MOB3B: variants seen among roughly 807,000 people sequenced by gnomAD.
MOB3B encodes MOB kinase activator-like 2B.
A neutral mutation model predicts 18.7 loss-of-function variants in MOB3B; 7 were observed. The ratio of observed to expected loss-of-function variants is 0.37; its 90% CI spans 0.21 to 0.70. The LOEUF (loss-of-function observed/expected upper bound fraction) is 0.70. Ranked by LOEUF, MOB3B falls within the 30% of genes least tolerant of loss-of-function variation. MOB3B has a pLI of 0.52. For synonymous variants in MOB3B, 111 were observed against 99.9 expected (o/e 1.11, Z -0.66); for missense variants, 253 against 281.3 (o/e 0.90, Z 0.72).
chr9:27,451,862 A>G (rs1341409855), intron 2 of MOB3B, among the ~76,000 whole-genome samples: 1 of 152,242 alleles, frequency 6.6e-6, no homozygotes, highest in South Asian at 2.1e-4. Flanking sequence ...AGAAGGAAAA[A>G]GAGGAGGAAA....
intron 2 of MOB3B, among the ~76,000 whole-genome samples, chr9:27,450,595 C>T (rs1274306485): frequency 1.3e-5 from 2 of 152,082 alleles, no homozygotes; most frequent in South Asian, 4.1e-4. Flanking sequence ...AAATTTTCTC[C>T]ATCCTAAACA....
rs113363499 is a variant in MOB3B at position 27,524,592 on chromosome 9, G to C, written c.-199+4963C>G. ...ACCTATGAAGAGGGACATCAAGAAG[G>C]CCTTCTATGAAATGTCCCTACAGGC... On this transcript the variant is annotated intron_variant, in intron 1 of 3. Coordinates refer to ENST00000262244, the MANE Select transcript of MOB3B (RefSeq NM_024761.5). The C allele has an allele frequency of 1.9e-6, 3 of 1,614,084 alleles. No individual in the cohort carries two copies. Among genetic ancestry groups the C allele is most frequent in the Non-Finnish European group, 2.5e-6 (3 of 1,179,988 alleles).
intron 1 of MOB3B, among the ~76,000 whole-genome samples, chr9:27,459,876 CAAAAAAAA>C (rs35792761): frequency 2.3e-5 from 2 of 86,742 alleles, no homozygotes; most frequent in Non-Finnish European, 2.3e-5. Context: ...TTTCAGTCTC[CAAAAAAAA>C]AAAAAAAAAA....
At chr9:27,487,348 A>T (rs1307532882) in intron 1 of MOB3B, among the ~76,000 whole-genome samples, 2 of 152,002 alleles carry the variant, frequency 1.3e-5, no homozygotes, top group East Asian at 1.9e-4. Context: ...CTGCCCAGAG[A>T]TCGGTTTACA....
At chr9:27,498,795 G>A (rs1360297282) in intron 1 of MOB3B, among the ~76,000 whole-genome samples, 1 of 152,130 alleles carries the variant, frequency 6.6e-6, no homozygotes, top group African/African-American at 2.4e-5. Context: ...TGACATTGCT[G>A]GATCTTATGA....
chr9:27,458,000 G>A (rs1819207225), intron 1 of MOB3B, among the ~76,000 whole-genome samples: 1 of 152,122 alleles, frequency 6.6e-6, no homozygotes, highest in Non-Finnish European at 1.5e-5. Flanking sequence ...GCTGAAGGTT[G>A]GAAATACAGA....
chr9:27,440,565 T>C (rs1259332171), intron 2 of MOB3B, among the ~76,000 whole-genome samples: 1 of 152,200 alleles, frequency 6.6e-6, no homozygotes, highest in African/African-American at 2.4e-5. Flanking sequence ...GGTGAATAAC[T>C]GGTGGTGGTC....
Position 27,449,942 on chromosome 9 carries a change from C to T in MOB3B, c.418+5191G>A, listed in dbSNP as rs540107826. ...GCAGTGAGCCGAGATCATGCCATTGCACTCCAGCCTGGGCAACAGAGCGAG... is the reference window on the plus strand; with the variant it reads ...GCAGTGAGCCGAGATCATGCCATTGTACTCCAGCCTGGGCAACAGAGCGAG... On this transcript the variant is annotated intron_variant, in intron 2 of 3. Transcript: ENST00000262244. Among the ~76,000 whole-genome samples the T allele has an allele frequency of 8.7e-5, 13 of 150,204 alleles. No homozygotes were observed. The East Asian group carries it at 1.4e-3, about 16-fold the overall frequency.
At chr9:27,502,427 G>C (rs533202833) in intron 1 of MOB3B, among the ~76,000 whole-genome samples, 1 of 152,182 alleles carries the variant, frequency 6.6e-6, no homozygotes, top group Non-Finnish European at 1.5e-5. Context: ...TTGTCATCCT[G>C]TACTTAGCAT....
At chr9:27,524,478 C>T in intron 1 of MOB3B, 1 of 1,614,094 alleles carries the variant, frequency 6.2e-7, no homozygotes, top group Non-Finnish European at 8.5e-7. Flanking sequence ...TCTGAGACAT[C>T]TGAGTAGTAT....
intron 2 of MOB3B, among the ~76,000 whole-genome samples, chr9:27,436,064 A>G (rs933700849): frequency 6.6e-6 from 1 of 151,950 alleles, no homozygotes; most frequent in African/African-American, 2.4e-5. Context: ...CTGTTGTTCT[A>G]CCCCGCTACC....
At chr9:27,485,732 C>T (rs922354749) in intron 1 of MOB3B, among the ~76,000 whole-genome samples, 1 of 152,154 alleles carries the variant, frequency 6.6e-6, no homozygotes, top group African/African-American at 2.4e-5. Context: ...TCAATTTTTC[C>T]CCCTTGTTCT....
intron 1 of MOB3B, among the ~76,000 whole-genome samples, chr9:27,517,498 A>C (rs112547072): frequency 0.032 from 4,919 of 151,760 alleles, 104 homozygotes; most frequent in Middle Eastern, 0.065. Flanking sequence ...AAATACAAAA[A>C]TTAGCCGGGC....
chr9:27,435,246 C>T (rs1341411638), intron 2 of MOB3B, among the ~76,000 whole-genome samples: 1 of 152,154 alleles, frequency 6.6e-6, no homozygotes, highest in East Asian at 1.9e-4. Context: ...CAAACTATGG[C>T]ACAAACCTGA....
intron 2 of MOB3B, among the ~76,000 whole-genome samples, chr9:27,409,272 G>A (rs1039311307): frequency 5.3e-5 from 8 of 152,210 alleles, no homozygotes; most frequent in African/African-American, 1.4e-4. Flanking sequence ...TCCTTCTGGT[G>A]TTTAAACCCA....
chr9:27,403,575 C>A (rs561662510), intron 2 of MOB3B, among the ~76,000 whole-genome samples: 1 of 136,972 alleles, frequency 7.3e-6, no homozygotes, highest in African/African-American at 2.8e-5. Context: ...CCCTGCTGCC[C>A]AGGCTAGAGC....
rs1205771768 is a variant in MOB3B at position 27,329,251 on chromosome 9, C to T, written c.*1336G>A. On this transcript the variant is annotated 3_prime_UTR_variant, in exon 4 of 4. Coordinates refer to ENST00000262244, the MANE Select transcript of MOB3B (RefSeq NM_024761.5). ...GGATCACTGGAAGTATTATGACCCCCCTCGTCACAGGTGGTCAGAACCACC... is the reference window on the plus strand; with the variant it reads ...GGATCACTGGAAGTATTATGACCCCTCTCGTCACAGGTGGTCAGAACCACC... 2 of 152,118 alleles carry T rather than the reference C, an allele frequency of 1.3e-5. No homozygotes were observed. 9.4% of individuals were successfully genotyped at this position (152,118 alleles called of 1,614,324 possible). A position where few individuals can be genotyped will look rare whatever the true frequency, so the allele number is the denominator to read the frequency against.
chr9:27,522,840 G>A (rs1251942431), intron 1 of MOB3B, among the ~76,000 whole-genome samples: 1 of 151,876 alleles, frequency 6.6e-6, no homozygotes, highest in Non-Finnish European at 1.5e-5. Flanking sequence ...TTTTCTTAAT[G>A]TTTTCCAAAT....
At chr9:27,392,840 A>G (rs1187606073) in intron 2 of MOB3B, among the ~76,000 whole-genome samples, 3 of 152,230 alleles carry the variant, frequency 2.0e-5, no homozygotes, top group African/African-American at 7.2e-5. Flanking sequence ...AATCATCGTC[A>G]TGACTATTAA....
Sources: allele counts gnomAD v4.1 joint callset (sites outside exome capture counted in the v4.1 genomes callset), GRCh38; gene constraint gnomAD v4.1.1; transcripts MANE v1.5; gene names NCBI Gene and HGNC (gene_info 2026-07-23, HGNC 2026-07-21).